The following ZFAND4 variants were observed in gnomAD, a reference collection of about 807,000 sequenced individuals.
ZFAND4 encodes the protein zinc finger AN1-type containing 4.
ZFAND4 carries 43 observed loss-of-function variants against 64.4 expected under a neutral mutation model. That is an observed-to-expected ratio of 0.67 (90% CI 0.52 to 0.86). The LOEUF is 0.86. ZFAND4 is among the 40% of genes least tolerant of loss of function. The pLI, the probability that ZFAND4 is intolerant of heterozygous loss-of-function variation, is 0.00. For synonymous variants in ZFAND4, 296 were observed against 305.7 expected (o/e 0.97, Z 0.33); for missense variants, 929 against 859.8 (o/e 1.08, Z -1.01).
chr10:45,653,037 G>A lies in ZFAND4; in HGVS notation c.207C>T (p.His69=), dbSNP rs539813146. The A allele has an allele frequency of 1.5e-5, 24 of 1,611,384 alleles. No individual in the cohort carries two copies. The East Asian group carries it at 2.2e-4, about 15-fold the overall frequency. Residue 69 remains histidine (H), a synonymous_variant, in exon 3 of 10, where the codon CAC becomes CAT. Coordinates refer to ENST00000344646, the MANE Select transcript of ZFAND4 (RefSeq NM_174890.4). ...CAAGTTCCATGTTATTCCAAATTAA[G>A]TGTTGTCGACAGATGGGAATACCTT... ...RLEGIPICRQ[H]LIWNNMELEN...
intron 9 of ZFAND4, among the ~76,000 whole-genome samples, chr10:45,617,274 A>T (rs912282569): frequency 1.3e-5 from 2 of 152,086 alleles, no homozygotes; most frequent in Admixed American, 1.3e-4. Context: ...AAGGATTTTT[A>T]AAAATATTTC....
In ZFAND4 at chr10:45,626,235, T is replaced by C; in HGVS notation, c.1588A>G (p.Lys530Glu). ...FSRTTCFQGVKVDSLGKRSDV... is the reference protein window; with the variant it reads ...FSRTTCFQGVEVDSLGKRSDV... ...GATCTTTTCCCAAGTGAATCAACTT[T>C]AACACCTTGAAAGCAAGTAGTCCTA... The change falls in exon 7 of 10, where the codon AAA (lysine) becomes GAA (glutamate). Residue 530 changes from lysine to glutamate, a missense_variant. Transcript: ENST00000344646. 1.2e-6 allele frequency: 2 copies of C among 1,614,202 alleles called. No individual in the cohort carries two copies. The highest frequency in any genetic ancestry group is 1.7e-6 in the Non-Finnish European group (2 of 1,180,030).
chr10:45,654,778 G>A (rs747661347), intron 2 of ZFAND4, among the ~76,000 whole-genome samples: 2 of 152,090 alleles, frequency 1.3e-5, no homozygotes, highest in African/African-American at 4.8e-5. Flanking sequence ...ATTATATAAT[G>A]ATAAAAGGAT....
chr10:45,662,333 A>G (rs900755653), intron 2 of ZFAND4, among the ~76,000 whole-genome samples: 1 of 152,228 alleles, frequency 6.6e-6, no homozygotes, highest in Admixed American at 6.5e-5. Context: ...TTTCCCTTGG[A>G]TGAGTTATTA....
chr10:45,620,307 T>C (rs545272645), intron 8 of ZFAND4, among the ~76,000 whole-genome samples: 74 of 152,116 alleles, frequency 4.9e-4, no homozygotes, highest in Middle Eastern at 6.8e-3. Flanking sequence ...ATGGTAAAAC[T>C]CCGTCTCTAC....
chr10:45,630,294 A>C (rs2046114889), intron 6 of ZFAND4, among the ~76,000 whole-genome samples: 1 of 152,200 alleles, frequency 6.6e-6, no homozygotes, highest in Non-Finnish European at 1.5e-5. Flanking sequence ...CAGAATAGAT[A>C]AAAGTAATAG....
intron 1 of ZFAND4, 81 bp from the exon 2 acceptor site, chr10:45,663,923 T>TA (rs1191998267): frequency 2.3e-6 from 1 of 444,180 alleles, no homozygotes; most frequent in Admixed American, 4.4e-5. Context: ...CTGTGGCCCA[T>TA]ATCAATCTTC....
intron 6 of ZFAND4, among the ~76,000 whole-genome samples, chr10:45,630,952 C>T (rs1325982109): frequency 2.7e-5 from 4 of 148,306 alleles, no homozygotes; most frequent in Non-Finnish European, 5.9e-5. Context: ...CACTGCAAGA[C>T]CCTGTCTTTA....
At chr10:45,671,275 T>C (rs2049168729) in intron 1 of ZFAND4, among the ~76,000 whole-genome samples, 1 of 152,342 alleles carries the variant, frequency 6.6e-6, no homozygotes, top group East Asian at 1.9e-4. Flanking sequence ...AGTGTGGCAA[T>C]TCCTCAAGGA....
intron 1 of ZFAND4, among the ~76,000 whole-genome samples, chr10:45,668,572 A>G (rs191140838): frequency 6.6e-6 from 1 of 152,358 alleles, no homozygotes; most frequent in East Asian, 1.9e-4. Context: ...GCCCCAATTA[A>G]AAGACATTTT....
intron 5 of ZFAND4, among the ~76,000 whole-genome samples, chr10:45,642,030 T>C (rs1157989748): frequency 6.6e-6 from 1 of 152,206 alleles, no homozygotes; most frequent in Non-Finnish European, 1.5e-5. Context: ...GTGTGAAGGC[T>C]TTTGTCTCAA....
intron 6 of ZFAND4, among the ~76,000 whole-genome samples, chr10:45,628,211 T>C (rs1237874511): frequency 6.6e-6 from 1 of 152,138 alleles, no homozygotes; most frequent in Admixed American, 6.5e-5. Flanking sequence ...TTACAGAAGA[T>C]ATAAAATATA....
intron 9 of ZFAND4, chr10:45,617,793 TA>T (rs1243616551): frequency 2.0e-5 from 3 of 152,648 alleles, no homozygotes; most frequent in Non-Finnish European, 2.9e-5. Context: ...TATTAACTTT[TA>T]ATTTTTTAAT....
intron 6 of ZFAND4, among the ~76,000 whole-genome samples, chr10:45,636,788 T>C (rs1025413010): frequency 5.9e-5 from 9 of 152,162 alleles, no homozygotes; most frequent in Non-Finnish European, 1.2e-4. Context: ...GGTTGATTAG[T>C]GTTGTTCAAG....
chr10:45,643,081 C>T (rs558616339), intron 5 of ZFAND4, among the ~76,000 whole-genome samples: 3 of 151,400 alleles, frequency 2.0e-5, no homozygotes, highest in East Asian at 2.0e-4. Context: ...CCATCACGCC[C>T]GGCTAATTTT....
At chr10:45,662,758 T>A (rs1184093714) in intron 2 of ZFAND4, 4 of 708,916 alleles carry the variant, frequency 5.6e-6, no homozygotes, top group African/African-American at 1.9e-5. Context: ...ACCCTCCTCA[T>A]CCTTCTATAA....
intron 2 of ZFAND4, among the ~76,000 whole-genome samples, chr10:45,653,410 T>C (rs1324209284): frequency 6.6e-6 from 1 of 152,164 alleles, no homozygotes; most frequent in Non-Finnish European, 1.5e-5. Context: ...GAGAACATAT[T>C]CACAAACTAT....
chr10:45,652,450 T>G (rs1419066913), intron 3 of ZFAND4, among the ~76,000 whole-genome samples: 1 of 152,214 alleles, frequency 6.6e-6, no homozygotes, highest in Non-Finnish European at 1.5e-5. Flanking sequence ...CCACACTGCC[T>G]CTTATCCTTT....
intron 4 of ZFAND4, among the ~76,000 whole-genome samples, chr10:45,648,748 T>G (rs2047561766): frequency 1.3e-5 from 2 of 152,326 alleles, no homozygotes; most frequent in South Asian, 4.1e-4. Context: ...TGCATGATTA[T>G]GTTGCTATAT....
Sources: gnomAD v4.1 joint callset for allele counts (sites outside exome capture counted in the v4.1 genomes callset) on GRCh38, gnomAD v4.1.1 for gene constraint, MANE v1.5 for transcripts, NCBI Gene and HGNC (gene_info 2026-07-23, HGNC 2026-07-21) for gene names.